The following ZNF430 variants were observed in gnomAD, a reference collection of about 807,000 sequenced individuals.
ZNF430 encodes the protein zinc finger protein 430.
A neutral mutation model predicts 56.7 loss-of-function variants in ZNF430; 35 were observed. The ratio of observed to expected loss-of-function variants is 0.62; its 90% CI spans 0.47 to 0.82. ZNF430 has a LOEUF of 0.82. Ranked by LOEUF, ZNF430 falls within the 40% of genes least tolerant of loss-of-function variation. The pLI is 0.00. For synonymous variants in ZNF430, 212 were observed against 224.3 expected (o/e 0.94, Z 0.49); for missense variants, 574 against 661.0 (o/e 0.87, Z 1.44).
intron 4 of ZNF430, among the ~76,000 whole-genome samples, chr19:21,050,933 C>T (rs969300468): frequency 4.9e-4 from 75 of 152,016 alleles, no homozygotes; most frequent in African/African-American, 1.7e-3. Flanking sequence ...GAGGCTGAGG[C>T]AGGAGAATCA....
intron 2 of ZNF430, among the ~76,000 whole-genome samples, chr19:21,027,418 A>G (rs1228828439): frequency 2.0e-5 from 3 of 152,150 alleles, no homozygotes; most frequent in Non-Finnish European, 4.4e-5. Context: ...ATTTGTTATT[A>G]GTTCTCTTTA....
chr19:21,048,506 G>A (rs1968223508), intron 4 of ZNF430, among the ~76,000 whole-genome samples: 1 of 151,996 alleles, frequency 6.6e-6, no homozygotes, highest in Non-Finnish European at 1.5e-5. Flanking sequence ...TGGGGGTAAG[G>A]TTATAGATTA....
chr19:21,020,878 A>C (rs1034810587), intron 1 of ZNF430, 75 bp downstream of exon 1: 1 of 1,597,136 alleles, frequency 6.3e-7, no homozygotes. Flanking sequence ...CTGTGGCGGG[A>C]CTCAGGCCTC....
chr19:21,054,740 T>A (rs1468531019), intron 4 of ZNF430, among the ~76,000 whole-genome samples: 1 of 140,046 alleles, frequency 7.1e-6, no homozygotes, highest in Non-Finnish European at 1.5e-5. Context: ...CAGTGGCGCA[T>A]CTCCGCTCAC....
intron 4 of ZNF430, among the ~76,000 whole-genome samples, chr19:21,037,019 A>G (rs559934459): frequency 6.6e-6 from 1 of 152,112 alleles, no homozygotes; most frequent in South Asian, 2.1e-4. Context: ...ATCCCATATC[A>G]GTGGAATCAT....
rs184600794 is a variant in ZNF430, at chr19:21,053,176, T to G, written c.323-3455T>G. Among the ~76,000 whole-genome samples, 32 of 151,994 alleles carry G rather than the reference T, an allele frequency of 2.1e-4. No homozygotes were observed. The East Asian group carries it at 3.9e-3, about 18-fold the overall frequency. The stretch of plus-strand genomic sequence containing the variant: ...TATCTATGTTGCAAACTAACCTAAA[T>G]TTTTTGGTGGGGTGGAGGGGGTGTG... On this transcript the variant is annotated intron_variant, in intron 4 of 4. Transcript: ENST00000261560.
Position 21,056,896 on chromosome 19 carries a change from G to C in ZNF430, c.588G>C (p.Lys196Asn). The C allele has an allele frequency of 6.2e-7, 1 of 1,611,816 alleles. No homozygotes were observed. Among genetic ancestry groups the C allele is most frequent in the Non-Finnish European group, 8.5e-7 (1 of 1,179,058 alleles). ...AATTTTCAAATCCAAATATACAAAA[G>C]ATAAGACATACTGGAAAGAAGCCTT... is the stretch of plus-strand genomic sequence containing the variant. ...FYKFSNPNIQ[K>N]IRHTGKKPFK... Residue 196 changes from lysine (K) to asparagine (N), a missense_variant, in exon 5 of 5, where the codon AAG becomes AAC. Physicochemically the swap from Lys to Asn is moderately conservative, Grantham distance 94 (BLOSUM62 0). This residue lies in a region of ZNF430 where 346 missense variants were observed against 399.1 expected (regional missense o/e 0.87). Transcript: ENST00000261560.
rs1968380519 is a variant in ZNF430 at position 21,056,526 on chromosome 19, T to C, written c.323-105T>C. 15 of 825,040 alleles carry C rather than the reference T, an allele frequency of 1.8e-5. No homozygotes were observed. The South Asian group carries it at 4.6e-4, about 25-fold the overall frequency. The allele number at this position is 825,040 out of a possible 1,614,324, so 51.1% of individuals were successfully genotyped here. On this transcript the variant is annotated intron_variant, in intron 4 of 4. Transcript: ENST00000261560. ...AATTAGGGCCTTTATTATTTTGCTA[T>C]GCCATCTTGTTTATGTAGTTTGTAT...
intron 4 of ZNF430, among the ~76,000 whole-genome samples, chr19:21,055,165 AT>A (rs1968352703): frequency 6.6e-6 from 1 of 151,936 alleles, no homozygotes; most frequent in Non-Finnish European, 1.5e-5. Flanking sequence ...TAATATATAC[AT>A]TTTTTATGGT....
chr19:21,028,092 C>T (rs1599490510), intron 2 of ZNF430, among the ~76,000 whole-genome samples: 1 of 152,110 alleles, frequency 6.6e-6, no homozygotes, highest in Non-Finnish European at 1.5e-5. Flanking sequence ...TAAGGTCTGG[C>T]CTCTTCCTGG....
chr19:21,053,814 G>T (rs1968324978), intron 4 of ZNF430, among the ~76,000 whole-genome samples: 1 of 152,036 alleles, frequency 6.6e-6, no homozygotes, highest in African/African-American at 2.4e-5. Context: ...TTATTTTATT[G>T]TTGTATTTGA....
rs150869415 is a variant in ZNF430 at position 21,031,176 on chromosome 19, G to A, written c.97-2280G>A. Among the ~76,000 whole-genome samples, 134 of 152,190 alleles carry A rather than the reference G, an allele frequency of 8.8e-4. 1 individual carries two copies. Among genetic ancestry groups the A allele is most frequent in the African/African-American group, 2.6e-3 (109 of 41,522 alleles). ...CAGGATTACAAGTGTGAGCCACCGCGCCCGGCCTCTGCCCAGTCTTCTAAT... is the reference window on the plus strand; with the variant it reads ...CAGGATTACAAGTGTGAGCCACCGCACCCGGCCTCTGCCCAGTCTTCTAAT... On this transcript the variant is annotated intron_variant, in intron 2 of 4. Transcript: ENST00000261560.
In ZNF430 at chr19:21,057,403, A is replaced by T. The variant is rs1052343905; in HGVS notation, c.1095A>T (p.Ile365=). 3.7e-6 allele frequency: 6 copies of T among 1,613,352 alleles called. No individual in the cohort carries two copies. In the African/African-American group the frequency reaches 6.7e-5, roughly 18 times the overall value. ...CCTCAACCCTTACTACACATAAGAT[A>T]ATTCATGCTGGAGAGAAACCTTACA... The part of the protein sequence containing the change: ...NQSSTLTTHK[I]IHAGEKPYKC... The change falls in exon 5 of 5, where the codon ATA becomes ATT. Residue 365 remains isoleucine (I), a synonymous_variant. Transcript: ENST00000261560.
At chr19:21,038,502 A>G (rs1968044347) in intron 4 of ZNF430, among the ~76,000 whole-genome samples, 1 of 152,066 alleles carries the variant, frequency 6.6e-6, no homozygotes. Context: ...ATCTCAGCTC[A>G]CTGCAACCTC....
chr19:21,029,691 G>T (rs1054209881), intron 2 of ZNF430, among the ~76,000 whole-genome samples: 4 of 152,178 alleles, frequency 2.6e-5, no homozygotes, highest in African/African-American at 9.7e-5. Flanking sequence ...TTTTGGCTGG[G>T]TGTGGTGGCT....
rs907407656 is a variant in ZNF430, at chr19:21,023,194, G to A, written c.96+313G>A. Among the ~76,000 whole-genome samples, 8 of 152,190 alleles carry A rather than the reference G, an allele frequency of 5.3e-5. No homozygotes were observed. In the East Asian group the frequency reaches 1.5e-3, roughly 29 times the overall value. Reference sequence around the variant, plus strand: ...CGTGGGACAGTCACTGGGGCATAGTGTGGTATCTCCTGAGTGGGTGGTTCT... The same window carrying A: ...CGTGGGACAGTCACTGGGGCATAGTATGGTATCTCCTGAGTGGGTGGTTCT... On this transcript the variant is annotated intron_variant, in intron 2 of 4. Coordinates refer to ENST00000261560, the MANE Select transcript of ZNF430 (RefSeq NM_025189.4).
rs1379484983 is a variant in ZNF430, at chr19:21,022,815, T to C, written c.30T>C (p.Pro10=). 4 of 1,613,736 alleles carry C rather than the reference T, an allele frequency of 2.5e-6. No homozygotes were observed. The East Asian group carries it at 6.7e-5, about 27-fold the overall frequency. Residue 10 remains proline, a synonymous_variant, in exon 2 of 5, where the codon CCT becomes CCC. Transcript: ENST00000261560. ...AGAACCTGAAGTCTGGAGTGTATCC[T>C]CTCAAGGAAGCAAGTGGATGCCCTG... is the stretch of plus-strand genomic sequence containing the variant. MENLKSGVY[P]LKEASGCPGA...
At chr19:21,035,567 A>G (rs1470481167) in intron 4 of ZNF430, 1 of 215,080 alleles carries the variant, frequency 4.6e-6, no homozygotes, top group African/African-American at 2.3e-5. Flanking sequence ...AAATAGAAGC[A>G]TTGACAATGG....
At chr19:21,053,854 C>A (rs1329144861) in intron 4 of ZNF430, among the ~76,000 whole-genome samples, 1 of 152,018 alleles carries the variant, frequency 6.6e-6, no homozygotes, top group Non-Finnish European at 1.5e-5. Context: ...CATTTTCTCT[C>A]TTAATTTGTG....
Sources: gnomAD v4.1 joint callset for allele counts (sites outside exome capture counted in the v4.1 genomes callset) on GRCh38, gnomAD v4.1.1 for gene constraint, gnomAD v4.1.1 regional missense constraint, MANE v1.5 for transcripts, NCBI Gene and HGNC (gene_info 2026-07-23, HGNC 2026-07-21) for gene names.